USP22: variants seen among roughly 807,000 people sequenced by gnomAD.
The protein encoded by USP22 is ubiquitin specific peptidase 22.
USP22 carries 22 observed loss-of-function variants against 68.1 expected under a neutral mutation model. The observed-to-expected ratio is 0.32, with a 90% CI of 0.23 to 0.46. The LOEUF (loss-of-function observed/expected upper bound fraction) is 0.46. Among genes scored for constraint, USP22 ranks in the 20% least tolerant of loss-of-function variants. USP22 has a pLI of 1.00. For synonymous variants in USP22, 279 were observed against 274.2 expected, an observed-to-expected ratio of 1.02 and a Z score of -0.17; for missense variants, 433 against 695.8, an observed-to-expected ratio of 0.62 and a Z score of 4.25.
In USP22 at chr17:21,042,683, A is replaced by G; in HGVS notation, c.153T>C (p.Ala51=). The G allele has an allele frequency of 1.5e-6, 2 of 1,342,334 alleles. No homozygotes were observed. Among genetic ancestry groups the G allele is most frequent in the Non-Finnish European group, 1.9e-6 (2 of 1,036,572 alleles). The allele number at this position is 1,342,334 out of a possible 1,614,324, so 83.2% of individuals were successfully genotyped here. A position where few individuals can be genotyped will look rare whatever the true frequency, so the allele number is the denominator to read the frequency against. ...IYQCFVWSGT[A]EARKRKAKSC... ...GGCGCACCTTGCGCTTGCGGGCCTC[A>G]GCCGTGCCGCTCCACACGAAGCACT... The change falls in exon 1 of 13, where the codon GCT becomes GCC. Residue 51 remains alanine (A), a synonymous_variant. Transcript: ENST00000261497.
At chr17:21,034,126 C>T (rs1040741440) in intron 1 of USP22, among the ~76,000 whole-genome samples, 1 of 152,132 alleles carries the variant, frequency 6.6e-6, no homozygotes, top group African/African-American at 2.4e-5. Context: ...AGATAATCTT[C>T]TCAAATTAAG....
In USP22 at chr17:21,023,227, A is replaced by T. The variant is rs187067392; in HGVS notation, c.305-2001T>A. The stretch of plus-strand genomic sequence containing the variant: ...GGATCAGGAAAAACAAACAAAAAAA[A>T]TTGTCAGGTACTACAGTACATACCC... On this transcript the variant is annotated intron_variant, in intron 2 of 12. Transcript: ENST00000261497. 2.1e-3 allele frequency among the ~76,000 whole-genome samples: 315 copies of T among 152,316 alleles called. 2 individuals are homozygous for T. The highest frequency in any genetic ancestry group is 6.9e-3 in the African/African-American group (288 of 41,558).
chr17:21,039,428 T>C (rs1321805045), intron 1 of USP22, among the ~76,000 whole-genome samples: 1 of 151,594 alleles, frequency 6.6e-6, no homozygotes, highest in African/African-American at 2.4e-5. Flanking sequence ...AAATACAAAA[T>C]TAGCCAGGCA....
rs761760800 is a variant in USP22 at position 21,028,690 on chromosome 17, G to T, written c.172-16C>A. ...AGGACTTGGCCTGAAATTCAGAGAA[G>T]AGGAGGAGTGAACGCTGTGTGATAA... On this transcript the variant is annotated splice_polypyrimidine_tract_variant and intron_variant, in intron 1 of 12. Transcript: ENST00000261497. 4 of 1,612,530 alleles carry T rather than the reference G, an allele frequency of 2.5e-6. No individual in the cohort carries two copies. Among genetic ancestry groups the T allele is most frequent in the African/African-American group, 1.3e-5 (1 of 74,744 alleles).
chr17:21,040,701 G>A (rs543086634), intron 1 of USP22, among the ~76,000 whole-genome samples: 7 of 152,144 alleles, frequency 4.6e-5, no homozygotes, highest in African/African-American at 4.8e-5. Flanking sequence ...AATACCAGAG[G>A]GGGGAAGAAA....
At chr17:21,039,472 G>C (rs1209002804) in intron 1 of USP22, among the ~76,000 whole-genome samples, 1 of 151,972 alleles carries the variant, frequency 6.6e-6, no homozygotes, top group East Asian at 2.0e-4. Context: ...AGCTACTTGG[G>C]AGAATCACTT....
Position 21,007,957 on chromosome 17 carries a change from G to A in USP22, c.1143C>T (p.Ile381=), listed in dbSNP as rs771954493. 1 of 1,614,140 alleles carries A rather than the reference G, an allele frequency of 6.2e-7. No individual in the cohort carries two copies. Among genetic ancestry groups the A allele is most frequent in the South Asian group, 1.1e-5 (1 of 91,070 alleles). The change falls in exon 9 of 13, where the codon ATC becomes ATT. Residue 381 remains isoleucine, a synonymous_variant. Coordinates refer to ENST00000261497, the MANE Select transcript of USP22 (RefSeq NM_015276.2). ...GGTAGCTATGGCAACCGCTGCACTT[G>A]ATCTTGGCGCTGCTGCCCAAGTGCT... ...RPEHLGSSAK[I]KCSGCHSYQE...
intron 8 of USP22, 29 bp downstream of exon 8, chr17:21,011,122 C>A: frequency 1.9e-6 from 3 of 1,557,004 alleles, no homozygotes; most frequent in Non-Finnish European, 2.6e-6. Context: ...AGGAGACACG[C>A]CCCCGCCGTG....
rs1302301693 is a variant in USP22, at chr17:21,001,424, G to C, written c.*1607C>G. 6.6e-6 allele frequency: 1 copy of C among 152,286 alleles called. No individual in the cohort carries two copies. The highest frequency in any genetic ancestry group is 2.4e-5 in the African/African-American group (1 of 41,552). 9.4% of individuals were successfully genotyped at this position (152,286 alleles called of 1,614,324 possible). A position where few individuals can be genotyped will look rare whatever the true frequency, so the allele number is the denominator to read the frequency against. ...CCACCAGCTTCTCCATGGCCTGTGA[G>C]CTAAGAATAGGTTTCACGTTTTTAA... On this transcript the variant is annotated 3_prime_UTR_variant, in exon 13 of 13. Transcript: ENST00000261497.
At position 21,017,964 on chromosome 17, in the gene USP22, T is replaced by C; in HGVS notation, c.668A>G (p.Glu223Gly). 1 of 1,614,110 alleles carries C rather than the reference T, an allele frequency of 6.2e-7. No homozygotes were observed. Among genetic ancestry groups the C allele is most frequent in the Non-Finnish European group, 8.5e-7 (1 of 1,180,032 alleles). ...CACCTCCTGAAACAGTGAGGACATC[T>C]CACAGACCAGACAGGAGCTGGGGCT... ...MQSPSSCLVC[E>G]MSSLFQEFYS... The change falls in exon 5 of 13, where the codon GAG (glutamate) becomes GGG (glycine). Residue 223 changes from glutamate to glycine, a missense_variant. Glu to Gly is a moderately conservative substitution (Grantham distance 98). Around this residue, in one of 4 missense-constraint regions of USP22, gnomAD observed 144 missense variants for 237.2 expected, o/e 0.61. Coordinates refer to ENST00000261497, the MANE Select transcript of USP22 (RefSeq NM_015276.2).
chr17:21,007,017 G>A (rs2143521807), intron 9 of USP22, 30 bp from the exon 10 acceptor site: 1 of 1,549,542 alleles, frequency 6.5e-7, no homozygotes, highest in Non-Finnish European at 8.7e-7. Flanking sequence ...ACAGAGGGAA[G>A]AGGAAAGAAG....
At position 21,042,914 on chromosome 17, in the gene USP22, C is replaced by A. The variant is rs931217369; in HGVS notation, c.-79G>T. On this transcript the variant is annotated 5_prime_UTR_variant, in exon 1 of 13. Coordinates refer to ENST00000261497, the MANE Select transcript of USP22 (RefSeq NM_015276.2). Reference sequence around the variant, plus strand: ...ACGCCAGCGCGGCGTGGGGGCTGCTCGGCGGCTGGCCAGGCTGGCCAAGGC... The same window carrying A: ...ACGCCAGCGCGGCGTGGGGGCTGCTAGGCGGCTGGCCAGGCTGGCCAAGGC... The A allele has an allele frequency of 3.0e-6, 3 of 1,013,890 alleles. No individual in the cohort carries two copies. The highest frequency in any genetic ancestry group is 3.8e-6 in the Non-Finnish European group (3 of 797,862). The allele number at this position is 1,013,890 out of a possible 1,614,324, so 62.8% of individuals were successfully genotyped here. A position where few individuals can be genotyped will look rare whatever the true frequency, so the allele number is the denominator to read the frequency against.
At chr17:21,008,077 T>G in intron 8 of USP22, 81 bp from the exon 9 acceptor site, 20 of 1,486,898 alleles carry the variant, frequency 1.3e-5, no homozygotes, top group Non-Finnish European at 1.8e-5. Context: ...ATTTTATCTC[T>G]TTCATTGGGT....
At chr17:21,003,792 TGG>T (rs35967377) in intron 12 of USP22, among the ~76,000 whole-genome samples, 25,613 of 150,536 alleles carry the variant, frequency 0.17, 2,728 homozygotes, top group South Asian at 0.25. Context: ...CCCAGCTACT[TGG>T]GAGGCTGAGG....
In USP22 at chr17:21,032,223, G is replaced by A. The variant is rs1281123643; in HGVS notation, c.172-3549C>T. Among the ~76,000 whole-genome samples the A allele has an allele frequency of 1.3e-5, 2 of 152,230 alleles. 1 individual carries two copies. Among genetic ancestry groups the A allele is most frequent in the Admixed American group, 1.3e-4 (2 of 15,286 alleles). ...CTCACACAGCCTGGGTGTGCAGCAG[G>A]CTGTACCATCTAGCTTTGTGTTAAG... On this transcript the variant is annotated intron_variant, in intron 1 of 12. Coordinates refer to ENST00000261497, the MANE Select transcript of USP22 (RefSeq NM_015276.2).
chr17:21,003,114 C>T, intron 12 of USP22, 41 bp from the exon 13 acceptor site: 1 of 1,611,992 alleles, frequency 6.2e-7, no homozygotes, highest in Admixed American at 1.7e-5. Flanking sequence ...CCTCTAACTC[C>T]TAAGACAGGA....
At chr17:21,006,231 GA>G (rs1913774341) in intron 10 of USP22, among the ~76,000 whole-genome samples, 1 of 152,204 alleles carries the variant, frequency 6.6e-6, no homozygotes, top group Non-Finnish European at 1.5e-5. Flanking sequence ...AAGTACCCCA[GA>G]ATAGGCAGAT....
chr17:21,010,522 C>G (rs970899832), intron 8 of USP22, among the ~76,000 whole-genome samples: 1 of 148,646 alleles, frequency 6.7e-6, no homozygotes. Flanking sequence ...ACTAAAAATA[C>G]AAAAATTAGC....
chr17:21,037,427 A>C (rs1422119339), intron 1 of USP22, among the ~76,000 whole-genome samples: 1 of 152,216 alleles, frequency 6.6e-6, no homozygotes, highest in African/African-American at 2.4e-5. Flanking sequence ...AAGCCCAGCA[A>C]CCCAAGACAT....
Sources: gnomAD v4.1 joint callset for allele counts (sites outside exome capture counted in the v4.1 genomes callset) on GRCh38, gnomAD v4.1.1 for gene constraint, gnomAD v4.1.1 regional missense constraint, MANE v1.5 for transcripts, NCBI Gene and HGNC (gene_info 2026-07-23, HGNC 2026-07-21) for gene names.